The following CELF2 variants were observed in gnomAD, a reference collection of about 807,000 sequenced individuals.
The protein encoded by CELF2 is CUG triplet repeat RNA-binding protein 2.
CELF2 carries 8 observed loss-of-function variants against 62.6 expected under a neutral mutation model. The observed-to-expected ratio is 0.13, with a 90% CI of 0.07 to 0.23. The LOEUF (loss-of-function observed/expected upper bound fraction) is 0.23, where lower values mean the gene tolerates loss of function less well. Ranked by LOEUF, CELF2 falls within the 10% of genes least tolerant of loss-of-function variation. The pLI, the probability that CELF2 is intolerant of heterozygous loss-of-function variation, is 1.00. For missense variants in CELF2, 333 were observed against 671.0 expected, an observed-to-expected ratio of 0.50 and a Z score of 5.56; for synonymous variants, 258 against 250.0, an observed-to-expected ratio of 1.03 and a Z score of -0.30.
intron 2 of CELF2, among the ~76,000 whole-genome samples, chr10:11,210,089 G>A (rs565046609): frequency 1.3e-5 from 2 of 152,204 alleles, no homozygotes; most frequent in Non-Finnish European, 2.9e-5. Flanking sequence ...GAATTCAAAG[G>A]CAGCGTGTAA....
chr10:10,470,671 C>T, the CELF2 span, among the ~76,000 whole-genome samples: 21 of 151,540 alleles, frequency 1.4e-4, no homozygotes, highest in Admixed American at 6.6e-4. Flanking sequence ...AATTCAACTG[C>T]GAAAGGTTCT....
At chr10:10,707,311 A>G in the CELF2 span, among the ~76,000 whole-genome samples, 2,510 of 152,326 alleles carry the variant, frequency 0.016, 33 homozygotes, top group African/African-American at 0.037. Flanking sequence ...CTTAAATATC[A>G]GCAAAATCCT....
chr10:10,568,269 C>T, the CELF2 span, among the ~76,000 whole-genome samples: 1 of 151,082 alleles, frequency 6.6e-6, no homozygotes, highest in African/African-American at 2.4e-5. Flanking sequence ...AGATTATTTA[C>T]AAGGCAGATG....
At chr10:10,695,519 C>T in the CELF2 span, among the ~76,000 whole-genome samples, 9 of 150,850 alleles carry the variant, frequency 6.0e-5, no homozygotes, top group Non-Finnish European at 1.0e-4. Context: ...ATCTTTGTGG[C>T]GTTGTCTGTA....
chr10:10,781,755 C>T, the CELF2 span, among the ~76,000 whole-genome samples: 3,931 of 152,184 alleles, frequency 0.026, 82 homozygotes, highest in South Asian at 0.044. Context: ...GTACACTCTA[C>T]GCTGGTCCCA....
the CELF2 span, among the ~76,000 whole-genome samples, chr10:10,574,014 T>G: frequency 6.6e-6 from 1 of 152,202 alleles, no homozygotes; most frequent in Non-Finnish European, 1.5e-5. Context: ...AAGGATCAAT[T>G]TGATCTGATC....
chr10:10,980,233 A>G (rs543511545), intron 2 of CELF2, among the ~76,000 whole-genome samples: 1 of 152,304 alleles, frequency 6.6e-6, no homozygotes, highest in South Asian at 2.1e-4. Flanking sequence ...TGTCTTCCGC[A>G]TCTCTGCTGG....
chr10:11,298,740 T>TAA (rs138546689), intron 9 of CELF2, among the ~76,000 whole-genome samples: 7 of 152,130 alleles, frequency 4.6e-5, no homozygotes, highest in Non-Finnish European at 1.0e-4. Flanking sequence ...GGTGCTTTTT[T>TAA]AAAAAAACGA....
the CELF2 span, among the ~76,000 whole-genome samples, chr10:10,605,626 C>G: frequency 6.6e-6 from 1 of 152,198 alleles, no homozygotes; most frequent in Non-Finnish European, 1.5e-5. Flanking sequence ...AGAGCATTGA[C>G]TGGGCCTCGC....
Position 11,319,866 on chromosome 10 carries a change from C to G in CELF2, c.1097-1323C>G, listed in dbSNP as rs1369642229. ...AGTGGAGTAAACAGAACATTCCCCACCTGCTCTGTTAGGGCAGTAGCGTTG... is the reference window on the plus strand; with the variant it reads ...AGTGGAGTAAACAGAACATTCCCCAGCTGCTCTGTTAGGGCAGTAGCGTTG... On this transcript the variant is annotated intron_variant, in intron 10 of 12. Transcript: ENST00000633077. The surrounding 1 kb of genome is among the most constrained non-coding windows in gnomAD (Gnocchi z 4.4). The G allele has an allele frequency of 4.2e-6, 2 of 471,112 alleles. No individual in the cohort carries two copies. The highest frequency in any genetic ancestry group is 4.7e-5 in the Admixed American group (2 of 42,584). 29.2% of individuals were successfully genotyped at this position (471,112 alleles called of 1,614,324 possible). A position where few individuals can be genotyped will look rare whatever the true frequency, so the allele number is the denominator to read the frequency against.
At chr10:10,830,835 C>G (rs1325414111) in intron 1 of CELF2, among the ~76,000 whole-genome samples, 1 of 152,154 alleles carries the variant, frequency 6.6e-6, no homozygotes, top group Non-Finnish European at 1.5e-5. Context: ...CTGCAAAACA[C>G]AAATATATTA....
At chr10:11,003,876 G>A (rs1375733707), upstream of CELF2, among the ~76,000 whole-genome samples, 1 of 152,104 alleles carries the variant, frequency 6.6e-6, no homozygotes, top group African/African-American at 2.4e-5. This position sits in a 1 kb window ranked among gnomAD's most constrained non-coding sequence, Gnocchi z 4.4. Context: ...TAGGGACAAG[G>A]CTCTCATTTC....
At chr10:10,977,994 A>T (rs2051551982) in intron 2 of CELF2, among the ~76,000 whole-genome samples, 1 of 151,554 alleles carries the variant, frequency 6.6e-6, no homozygotes, top group Admixed American at 6.6e-5. Context: ...TATATGAAGA[A>T]GGAAGGTATT....
chr10:11,233,800 G>C (rs11257025), intron 3 of CELF2, among the ~76,000 whole-genome samples: 2 of 152,248 alleles, frequency 1.3e-5, no homozygotes, highest in African/African-American at 4.8e-5. Flanking sequence ...GGACTCACCA[G>C]TTGTCATTAG....
At chr10:10,999,400 G>A (rs770259813) in intron 2 of CELF2, among the ~76,000 whole-genome samples, 1 of 152,198 alleles carries the variant, frequency 6.6e-6, no homozygotes, top group Non-Finnish European at 1.5e-5. Context: ...TAGTTTCAGA[G>A]GGTGATATAG....
chr10:11,073,454 G>A (rs2070801385), intron 1 of CELF2, among the ~76,000 whole-genome samples: 1 of 152,178 alleles, frequency 6.6e-6, no homozygotes, highest in Admixed American at 6.5e-5. Context: ...TTTAGCAATA[G>A]TCACAGCAAC....
At chr10:10,916,789 T>C (rs1389168697) in intron 1 of CELF2, among the ~76,000 whole-genome samples, 1 of 152,046 alleles carries the variant, frequency 6.6e-6, no homozygotes, top group Non-Finnish European at 1.5e-5. Context: ...ATTTTTGTAT[T>C]TTTAGTACAG....
At chr10:10,580,467 C>G in the CELF2 span, among the ~76,000 whole-genome samples, 1 of 152,122 alleles carries the variant, frequency 6.6e-6, no homozygotes, top group African/African-American at 2.4e-5. Context: ...ACAACCTGTT[C>G]CTGTTCGCAC....
At chr10:10,852,660 T>C (rs1176474913) in intron 1 of CELF2, among the ~76,000 whole-genome samples, 1 of 152,208 alleles carries the variant, frequency 6.6e-6, no homozygotes, top group Non-Finnish European at 1.5e-5. Context: ...GTCCACATCA[T>C]GGTTGTGATA....
Sources: allele counts gnomAD v4.1 joint callset (sites outside exome capture counted in the v4.1 genomes callset), GRCh38; gene constraint gnomAD v4.1.1; non-coding constraint Gnocchi (gnomAD v3.1); transcripts MANE v1.5; gene names NCBI Gene and HGNC (gene_info 2026-07-23, HGNC 2026-07-21).